ERCC6L2: variants seen among roughly 807,000 people sequenced by gnomAD.
ERCC6L2 encodes the protein DNA excision repair protein ERCC-6-like 2.
ERCC6L2 carries 77 observed loss-of-function variants against 132.0 expected under a neutral mutation model. The ratio of observed to expected loss-of-function variants is 0.58; its 90% CI spans 0.49 to 0.71. The LOEUF (loss-of-function observed/expected upper bound fraction) is 0.71, where lower values mean the gene tolerates loss of function less well. ERCC6L2 is among the 30% of genes least tolerant of loss of function. The pLI, the probability that ERCC6L2 is intolerant of heterozygous loss-of-function variation, is 0.00. For synonymous variants in ERCC6L2, 583 were observed against 632.4 expected, an observed-to-expected ratio of 0.92 and a Z score of 1.17; for missense variants, 1,542 against 1,837.6, an observed-to-expected ratio of 0.84 and a Z score of 2.94.
intron 12 of ERCC6L2, among the ~76,000 whole-genome samples, chr9:95,950,229 A>G (rs578055398): frequency 4.3e-4 from 66 of 152,310 alleles, no homozygotes; most frequent in African/African-American, 1.5e-3. Flanking sequence ...TTATAAATCT[A>G]TGTTGACAAG....
chr9:95,942,052 A>G (rs1830829111), intron 12 of ERCC6L2, among the ~76,000 whole-genome samples: 1 of 152,208 alleles, frequency 6.6e-6, no homozygotes, highest in South Asian at 2.1e-4. Context: ...CCTACTTTAC[A>G]GAGAGATTGG....
intron 14 of ERCC6L2, chr9:95,968,730 A>G (rs1304276693): frequency 1.3e-5 from 2 of 152,144 alleles, no homozygotes; most frequent in Non-Finnish European, 2.9e-5. Context: ...TCAAAGATAG[A>G]TATTGAGAGT....
chr9:95,943,752 A>G (rs1186298916), intron 12 of ERCC6L2, among the ~76,000 whole-genome samples: 1 of 152,232 alleles, frequency 6.6e-6, no homozygotes, highest in East Asian at 1.9e-4. Flanking sequence ...ACATGAAGAG[A>G]TGCTCAGCAT....
intron 19 of ERCC6L2, among the ~76,000 whole-genome samples, chr9:96,026,432 G>A (rs1034844187): frequency 6.6e-6 from 1 of 152,128 alleles, no homozygotes; most frequent in African/African-American, 2.4e-5. Context: ...CCGCAGTGGG[G>A]CGGGGGTGGG....
intron 3 of ERCC6L2, among the ~76,000 whole-genome samples, chr9:95,904,369 A>G (rs1828929485): frequency 6.6e-6 from 1 of 152,152 alleles, no homozygotes; most frequent in African/African-American, 2.4e-5. Flanking sequence ...CATCAATTGA[A>G]TACCTTCTAT....
In ERCC6L2 at chr9:95,943,658, A is replaced by T. The variant is rs550423230; in HGVS notation, c.1847+2109A>T. Among the ~76,000 whole-genome samples the T allele has an allele frequency of 3.9e-5, 6 of 152,290 alleles. No homozygotes were observed. The South Asian group carries it at 1.0e-3, about 26-fold the overall frequency. ...TAAAAAGAACTCCTAAAACTCAACAACAACAAAAAACACAACCCAATCTAA... is the reference window on the plus strand; with the variant it reads ...TAAAAAGAACTCCTAAAACTCAACATCAACAAAAAACACAACCCAATCTAA... On this transcript the variant is annotated intron_variant, in intron 12 of 18. Transcript: ENST00000653738.
chr9:95,882,031 G>T (rs1045196646), intron 2 of ERCC6L2, among the ~76,000 whole-genome samples: 1 of 152,170 alleles, frequency 6.6e-6, no homozygotes, highest in African/African-American at 2.4e-5. Context: ...CCTGTTTGTT[G>T]GCAGGATTCA....
chr9:95,983,749 C>T (rs1832979464), intron 17 of ERCC6L2, among the ~76,000 whole-genome samples: 1 of 152,158 alleles, frequency 6.6e-6, no homozygotes, highest in Non-Finnish European at 1.5e-5. Context: ...TACAGTATTT[C>T]AGAATTTGAA....
rs554158930 is a variant in ERCC6L2, at chr9:95,970,651, G to A, written c.2176G>A (p.Glu726Lys). The A allele has an allele frequency of 1.5e-6, 2 of 1,303,074 alleles. No individual in the cohort carries two copies. Among genetic ancestry groups the A allele is most frequent in the Non-Finnish European group, 2.0e-6 (2 of 988,286 alleles). 80.7% of individuals were successfully genotyped at this position (1,303,074 alleles called of 1,614,324 possible). A position where few individuals can be genotyped will look rare whatever the true frequency, so the allele number is the denominator to read the frequency against. Residue 726 changes from glutamate (E) to lysine (K), a missense_variant, in exon 15 of 19, where the codon GAA becomes AAA. By Grantham distance (56) the Glu-to-Lys change is moderately conservative (BLOSUM62 1). Around this residue, in one of 4 missense-constraint regions of ERCC6L2, gnomAD observed 945 missense variants for 1,105.2 expected, o/e 0.86. Transcript: ENST00000653738. ...AGAGGGACCTCCAGCACACAAACTGGAAATGGTATGTAATATTTGAACCTG... is the reference window on the plus strand; with the variant it reads ...AGAGGGACCTCCAGCACACAAACTGAAAATGGTATGTAATATTTGAACCTG... ...LKEGPPAHKL[E>K]MPRQPDCQEC...
chr9:95,891,296 A>G (rs775849415), intron 2 of ERCC6L2, among the ~76,000 whole-genome samples: 2 of 152,218 alleles, frequency 1.3e-5, no homozygotes, highest in Non-Finnish European at 2.9e-5. Flanking sequence ...ACTTTTTTCT[A>G]GAATAAAAAT....
chr9:96,006,577 G>A (rs1833872028), intron 18 of ERCC6L2, among the ~76,000 whole-genome samples: 1 of 152,218 alleles, frequency 6.6e-6, no homozygotes, highest in African/African-American at 2.4e-5. Context: ...GGGTCTTACA[G>A]TTGAGATAAC....
intron 17 of ERCC6L2, among the ~76,000 whole-genome samples, chr9:95,996,640 C>T (rs1833481492): frequency 6.6e-6 from 1 of 152,158 alleles, no homozygotes; most frequent in Non-Finnish European, 1.5e-5. Context: ...AATCCTAGGG[C>T]CCTTAAGGAT....
rs541443230 is a variant in ERCC6L2 at position 96,015,828 on chromosome 9, A to T, written c.*2625A>T. 5.9e-5 allele frequency among the ~76,000 whole-genome samples: 9 copies of T among 152,296 alleles called. No homozygotes were observed. In the East Asian group the frequency reaches 1.7e-3, roughly 30 times the overall value. ...AAAAAAGGAAACTTTTATCAATAGT[A>T]GTCAAAATGGGAGCAAAAATGCAGA... On this transcript the variant is annotated 3_prime_UTR_variant, in exon 19 of 19. Coordinates refer to ENST00000653738, the MANE Select transcript of ERCC6L2 (RefSeq NM_020207.7).
At chr9:95,918,108 T>G (rs1829687011) in intron 6 of ERCC6L2, 1 of 374,620 alleles carries the variant, frequency 2.7e-6, no homozygotes, top group Admixed American at 2.8e-5. Context: ...TCAGTCTGGT[T>G]TGGGTCTTTA....
intron 8 of ERCC6L2, 128 bp downstream of exon 8, chr9:95,922,546 A>G (rs1311246715): frequency 3.2e-6 from 2 of 624,510 alleles, no homozygotes; most frequent in Non-Finnish European, 5.5e-6. Flanking sequence ...TTATTTTTAA[A>G]TGTAGATATC....
rs758182133 is a variant in ERCC6L2 at position 96,012,211 on chromosome 9, C to T, written c.3675-14C>T. The T allele has an allele frequency of 8.2e-6, 10 of 1,222,694 alleles. No homozygotes were observed. Among genetic ancestry groups the T allele is most frequent in the Non-Finnish European group, 1.1e-5 (10 of 947,212 alleles). 75.7% of individuals were successfully genotyped at this position (1,222,694 alleles called of 1,614,324 possible). On this transcript the variant is annotated splice_polypyrimidine_tract_variant and intron_variant, in intron 18 of 18. Coordinates refer to ENST00000653738, the MANE Select transcript of ERCC6L2 (RefSeq NM_020207.7). ...AATGAAAATAACCACTAGTTTTGTT[C>T]ATTTAATCTTTAGAAAACAATTTGA...
intron 17 of ERCC6L2, among the ~76,000 whole-genome samples, chr9:96,004,099 A>G (rs1294629937): frequency 6.6e-6 from 1 of 152,194 alleles, no homozygotes; most frequent in Non-Finnish European, 1.5e-5. Flanking sequence ...AAAGATTGGT[A>G]TTTTTTACAT....
At chr9:96,033,968 A>G (rs896579007) in intron 19 of ERCC6L2, among the ~76,000 whole-genome samples, 2 of 152,216 alleles carry the variant, frequency 1.3e-5, no homozygotes, top group Non-Finnish European at 2.9e-5. Flanking sequence ...CGTTGTCTGC[A>G]CCAGGATTTA....
At chr9:96,000,847 G>A (rs1833645004) in intron 17 of ERCC6L2, among the ~76,000 whole-genome samples, 2 of 152,294 alleles carry the variant, frequency 1.3e-5, no homozygotes, top group South Asian at 2.1e-4. Context: ...AAGTTCTTAC[G>A]TGATAGTGTG....
Sources: allele counts gnomAD v4.1 joint callset (sites outside exome capture counted in the v4.1 genomes callset), GRCh38; gene constraint gnomAD v4.1.1; regional missense constraint gnomAD v4.1.1; transcripts MANE v1.5; gene names NCBI Gene and HGNC (gene_info 2026-07-23, HGNC 2026-07-21).